The following C1orf167 variants were observed in gnomAD, a reference collection of about 807,000 sequenced individuals.
C1orf167 encodes the protein chromosome 1 open reading frame 167.
C1orf167 carries 153 observed loss-of-function variants against 176.5 expected under a neutral mutation model. The ratio of observed to expected loss-of-function variants is 0.87; its 90% CI spans 0.76 to 0.99. The LOEUF is 0.99. C1orf167 is among the 50% of genes least tolerant of loss of function. The pLI, the probability that C1orf167 is intolerant of heterozygous loss-of-function variation, is 0.00. For synonymous variants in C1orf167, 594 were observed against 752.7 expected (o/e 0.79, Z 3.45); for missense variants, 1,490 against 1,817.7 (o/e 0.82, Z 3.28).
At chr1:11,767,344 A>G in intron 4 of C1orf167, 80 bp downstream of exon 4, 1 of 1,173,316 alleles carries the variant, frequency 8.5e-7, no homozygotes, top group Non-Finnish European at 1.1e-6. Flanking sequence ...TGCCTGTCCA[A>G]ATGGAGATGA....
intron 14 of C1orf167, among the ~76,000 whole-genome samples, chr1:11,782,723 C>T (rs529616864): frequency 1.3e-5 from 2 of 152,152 alleles, no homozygotes; most frequent in South Asian, 4.2e-4. Context: ...GAGTTCGAGA[C>T]CAGCCTGGCC....
intron 15 of C1orf167, 40 bp from the exon 16 acceptor site, chr1:11,785,108 C>A (rs1318963471): frequency 7.9e-7 from 1 of 1,263,762 alleles, no homozygotes; most frequent in Non-Finnish European, 1.0e-6. Context: ...AGAGTCCTGG[C>A]CTTTATGGCC....
intron 1 of C1orf167, among the ~76,000 whole-genome samples, chr1:11,762,687 A>G (rs550484600): frequency 6.6e-6 from 1 of 152,202 alleles, no homozygotes; most frequent in Non-Finnish European, 1.5e-5. Context: ...AGTGCAGATT[A>G]AATGGCAGGA....
intron 1 of C1orf167, among the ~76,000 whole-genome samples, chr1:11,762,829 C>A (rs1403349034): frequency 3.3e-5 from 5 of 152,202 alleles, no homozygotes; most frequent in African/African-American, 7.2e-5. Flanking sequence ...ACAAAAAAAA[C>A]CAGCCTGCCC....
chr1:11,785,248 G>A lies in C1orf167; in HGVS notation c.3526G>A (p.Val1176Met). 2 of 1,290,674 alleles carry A rather than the reference G, an allele frequency of 1.5e-6. No homozygotes were observed. Among genetic ancestry groups the A allele is most frequent in the Non-Finnish European group, 2.0e-6 (2 of 988,222 alleles). The allele number at this position is 1,290,674 out of a possible 1,614,324, so 80.0% of individuals were successfully genotyped here. Reference protein sequence around the residue: ...PAELRRFLRTVQLRVRLGLPG... With the variant: ...PAELRRFLRTMQLRVRLGLPG... ...TGAGCTCAGGCGCTTCCTGCGGACA[G>A]TGCAGCTCAGGGTGCGGCTGGGACT... The change falls in exon 16 of 21, where the codon GTG (valine) becomes ATG (methionine). Residue 1176 changes from valine to methionine, a missense_variant. Physicochemically the swap from Val to Met is conservative, Grantham distance 21. Transcript: ENST00000688073.
At position 11,784,505 on chromosome 1, in the gene C1orf167, T is replaced by C. The variant is rs1441611174; in HGVS notation, c.3337T>C (p.Cys1113Arg). Residue 1113 changes from cysteine to arginine, a missense_variant, in exon 15 of 21, where the codon TGC (cysteine) becomes CGC (arginine). Physicochemically the swap from Cys to Arg is radical, Grantham distance 180. Transcript: ENST00000688073. Reference protein sequence around the residue: ...GESAGAQAAQCWTWCWALWVH... With the variant: ...GESAGAQAAQRWTWCWALWVH... ...GAGCGCTGGGGCCCAGGCAGCCCAG[T>C]GCTGGACTTGGTGCTGGGCTCTGTG... 6 of 1,302,706 alleles carry C rather than the reference T, an allele frequency of 4.6e-6. No homozygotes were observed. In the Admixed American group the frequency reaches 1.4e-4, roughly 30 times the overall value. The allele number at this position is 1,302,706 out of a possible 1,614,324, so 80.7% of individuals were successfully genotyped here.
chr1:11,788,398 T>C lies in C1orf167; in HGVS notation c.4078+20T>C. ...ACCCTGGTGAGTGGGTGCACCCCTC[T>C]CCACACTGACCATCTCCCATTTCAC... On this transcript the variant is annotated intron_variant, in intron 19 of 20. Coordinates refer to ENST00000688073, the MANE Select transcript of C1orf167 (RefSeq NM_001010881.2). 1 of 1,279,798 alleles carries C rather than the reference T, an allele frequency of 7.8e-7. No individual in the cohort carries two copies. Among genetic ancestry groups the C allele is most frequent in the Non-Finnish European group, 1.0e-6 (1 of 970,992 alleles). 79.3% of individuals were successfully genotyped at this position (1,279,798 alleles called of 1,614,324 possible). A position where few individuals can be genotyped will look rare whatever the true frequency, so the allele number is the denominator to read the frequency against.
rs1461740203 is a variant in C1orf167 at position 11,772,246 on chromosome 1, G to C, written c.1975G>C (p.Ala659Pro). 2 of 1,303,318 alleles carry C rather than the reference G, an allele frequency of 1.5e-6. No individual in the cohort carries two copies. The highest frequency in any genetic ancestry group is 2.3e-5 in the Admixed American group (1 of 43,256). The allele number at this position is 1,303,318 out of a possible 1,614,324, so 80.7% of individuals were successfully genotyped here. A position where few individuals can be genotyped will look rare whatever the true frequency, so the allele number is the denominator to read the frequency against. ...CCCACTGAGCCCCCAGCACCAGAGA[G>C]CTTGGCTGTGCAGGTAGGATGCCCT... is the stretch of plus-strand genomic sequence containing the variant. ...VAPLSPQHQR[A>P]WLCRCFGAWQ... is the part of the protein sequence containing the mutation. The change falls in exon 8 of 21, where the codon GCT (alanine) becomes CCT (proline). Residue 659 changes from alanine to proline, a missense_variant. Ala to Pro is a conservative substitution (Grantham distance 27). Transcript: ENST00000688073.
At position 11,772,183 on chromosome 1, in the gene C1orf167, G is replaced by A. The variant is rs1218208903; in HGVS notation, c.1912G>A (p.Ala638Thr). Residue 638 changes from alanine to threonine, a missense_variant, in exon 8 of 21, where the codon GCC becomes ACC. By Grantham distance (58) the Ala-to-Thr change is moderately conservative (BLOSUM62 0). Coordinates refer to ENST00000688073, the MANE Select transcript of C1orf167 (RefSeq NM_001010881.2). ...ACAGAGGACAGGGAGCTTCCCCCAGGCCTGGCACTCTACTGCTGCAGGTGT... is the reference window on the plus strand; with the variant it reads ...ACAGAGGACAGGGAGCTTCCCCCAGACCTGGCACTCTACTGCTGCAGGTGT... ...ATQRTGSFPQ[A>T]WHSTAAGVAW... is the part of the protein sequence containing the mutation. 3.1e-6 allele frequency: 4 copies of A among 1,304,294 alleles called. No homozygotes were observed. The highest frequency in any genetic ancestry group is 4.0e-6 in the Non-Finnish European group (4 of 988,958). 80.8% of individuals were successfully genotyped at this position (1,304,294 alleles called of 1,614,324 possible). A position where few individuals can be genotyped will look rare whatever the true frequency, so the allele number is the denominator to read the frequency against.
At chr1:11,782,047 A>C in intron 13 of C1orf167, 142 bp from the exon 14 acceptor site, 1 of 657,042 alleles carries the variant, frequency 1.5e-6, no homozygotes, top group Non-Finnish European at 2.0e-6. Context: ...GGACACCCAT[A>C]ATAGAGGCTT....
At chr1:11,763,645 T>C (rs1642637483) in intron 1 of C1orf167, among the ~76,000 whole-genome samples, 1 of 152,118 alleles carries the variant, frequency 6.6e-6, no homozygotes, top group South Asian at 2.1e-4. Flanking sequence ...TTGAGGGGGC[T>C]GGAGAGCTTC....
In C1orf167 at chr1:11,766,901, G is replaced by C; in HGVS notation, c.1115G>C (p.Ser372Thr). 8.0e-7 allele frequency: 1 copy of C among 1,242,448 alleles called. No individual in the cohort carries two copies. Among genetic ancestry groups the C allele is most frequent in the Non-Finnish European group, 1.0e-6 (1 of 963,686 alleles). The allele number at this position is 1,242,448 out of a possible 1,614,324, so 77.0% of individuals were successfully genotyped here. A position where few individuals can be genotyped will look rare whatever the true frequency, so the allele number is the denominator to read the frequency against. Residue 372 changes from serine to threonine, a missense_variant, in exon 3 of 21, where the codon AGT (serine) becomes ACT (threonine). By Grantham distance (58) the Ser-to-Thr change is moderately conservative. Coordinates refer to ENST00000688073, the MANE Select transcript of C1orf167 (RefSeq NM_001010881.2). The surrounding 1 kb of genome is among the most constrained non-coding windows in gnomAD (Gnocchi z 4.5). ...GGCAGGGCACAGAGGGGTGACCCCA[G>C]TCTCCCTCGAGGGGTGGGAAGCAGG... ...QDGRAQRGDP[S>T]LPRGVGSRGT...
At position 11,785,175 on chromosome 1, in the gene C1orf167, G is replaced by C. The variant is rs1445766328; in HGVS notation, c.3453G>C (p.Ala1151=). 12 of 1,291,346 alleles carry C rather than the reference G, an allele frequency of 9.3e-6. No individual in the cohort carries two copies. In the Admixed American group the frequency reaches 2.5e-4, roughly 27 times the overall value. The allele number at this position is 1,291,346 out of a possible 1,614,324, so 80.0% of individuals were successfully genotyped here. Residue 1151 remains alanine (A), a synonymous_variant, in exon 16 of 21, where the codon GCG becomes GCC. Transcript: ENST00000688073. ...TCCTAGAGGCCTCGGTGCAGTCGGC[G>C]GTGCGCGGCGGTGTCCAGCGAGCCA... The part of the protein sequence containing the change: ...AWVLEASVQS[A]VRGGVQRAIL...
chr1:11,789,357 C>T lies in C1orf167; in HGVS notation c.4261C>T (p.Pro1421Ser), dbSNP rs1463833804. Residue 1421 changes from proline (P) to serine (S), a missense_variant, in exon 21 of 21, where the codon CCC becomes TCC. Pro to Ser is a moderately conservative substitution (Grantham distance 74). Transcript: ENST00000688073. ...SSPRPWSKPG[P>S]KGPESGQEAA... ...CCCAAGACCCTGGAGCAAGCCAGGC[C>T]CCAAGGGCCCCGAGAGTGGACAGGA... is the stretch of plus-strand genomic sequence containing the variant. The T allele has an allele frequency of 1.5e-6, 2 of 1,304,136 alleles. No individual in the cohort carries two copies. Among genetic ancestry groups the T allele is most frequent in the Non-Finnish European group, 2.0e-6 (2 of 988,930 alleles). The allele number at this position is 1,304,136 out of a possible 1,614,324, so 80.8% of individuals were successfully genotyped here.
Position 11,771,512 on chromosome 1 carries a change from C to A in C1orf167, c.1698-12C>A, listed in dbSNP as rs1263777644. 5 of 1,287,836 alleles carry A rather than the reference C, an allele frequency of 3.9e-6. No individual in the cohort carries two copies. The African/African-American group carries it at 7.6e-5, about 20-fold the overall frequency. 79.8% of individuals were successfully genotyped at this position (1,287,836 alleles called of 1,614,324 possible). A position where few individuals can be genotyped will look rare whatever the true frequency, so the allele number is the denominator to read the frequency against. On this transcript the variant is annotated splice_polypyrimidine_tract_variant and intron_variant, in intron 6 of 20. Transcript: ENST00000688073. ...GGGTCATCAGCTTCTCTCTGGGCAA[C>A]TTTGCTTTTAGTCCAGGAAGTCTGA... is the stretch of plus-strand genomic sequence containing the variant.
Position 11,789,483 on chromosome 1 carries a change from G to A in C1orf167, c.*37G>A, listed in dbSNP as rs1212251869. ...AGAATAAAAAACAGAACTGAACTTA[G>A]CCTTCCCAGGGAAGGAACCATGCCC... is the stretch of plus-strand genomic sequence containing the variant. On this transcript the variant is annotated 3_prime_UTR_variant, in exon 21 of 21. Transcript: ENST00000688073. The A allele has an allele frequency of 7.7e-7, 1 of 1,294,574 alleles. No homozygotes were observed. The highest frequency in any genetic ancestry group is 1.0e-6 in the Non-Finnish European group (1 of 983,510). 80.2% of individuals were successfully genotyped at this position (1,294,574 alleles called of 1,614,324 possible).
In C1orf167 at chr1:11,784,417, G is replaced by A. The variant is rs1287074787; in HGVS notation, c.3249G>A (p.Gln1083=). 2 of 1,303,810 alleles carry A rather than the reference G, an allele frequency of 1.5e-6. No individual in the cohort carries two copies. Among genetic ancestry groups the A allele is most frequent in the South Asian group, 2.5e-5 (2 of 81,014 alleles). The allele number at this position is 1,303,810 out of a possible 1,614,324, so 80.8% of individuals were successfully genotyped here. ...DGQQKKARAP[Q]AFPAWPVAPG... ...AGCAGAAGAAGGCCCGGGCCCCACAGGCCTTCCCAGCATGGCCAGTGGCCC... is the reference window on the plus strand; with the variant it reads ...AGCAGAAGAAGGCCCGGGCCCCACAAGCCTTCCCAGCATGGCCAGTGGCCC... The change falls in exon 15 of 21, where the codon CAG becomes CAA. Residue 1083 remains glutamine, a synonymous_variant. Coordinates refer to ENST00000688073, the MANE Select transcript of C1orf167 (RefSeq NM_001010881.2).
At chr1:11,784,660 G>T in intron 15 of C1orf167, 67 bp downstream of exon 15, 1 of 1,190,850 alleles carries the variant, frequency 8.4e-7, no homozygotes. Context: ...CCTGTTTTTG[G>T]CAGGGGTAGA....
intron 1 of C1orf167, among the ~76,000 whole-genome samples, chr1:11,762,547 G>A (rs1642561716): frequency 6.6e-6 from 1 of 152,196 alleles, no homozygotes. Flanking sequence ...GGGATGGTGG[G>A]GTGTTCTTGG....
Sources: allele counts gnomAD v4.1 joint callset (sites outside exome capture counted in the v4.1 genomes callset), GRCh38; gene constraint gnomAD v4.1.1; non-coding constraint Gnocchi (gnomAD v3.1); transcripts MANE v1.5; gene names NCBI Gene and HGNC (gene_info 2026-07-23, HGNC 2026-07-21).